COL25A1: variants seen among roughly 807,000 people sequenced by gnomAD.
COL25A1 encodes the protein collagen alpha-1(XXV) chain.
In COL25A1, 103 loss-of-function variants were observed where a neutral mutation model predicts 128.4. That is an observed-to-expected ratio of 0.80 (90% CI 0.68 to 0.94). The LOEUF is 0.94. Among genes scored for constraint, COL25A1 ranks in the 40% least tolerant of loss-of-function variants. The pLI is 0.00. For synonymous variants in COL25A1, 279 were observed against 277.2 expected, an observed-to-expected ratio of 1.01 and a Z score of -0.06; for missense variants, 745 against 840.0, an observed-to-expected ratio of 0.89 and a Z score of 1.40.
In COL25A1 at chr4:109,234,385, A is replaced by G. The variant is rs548021087; in HGVS notation, c.367+66198T>C. Among the ~76,000 whole-genome samples, 15 of 152,284 alleles carry G rather than the reference A, an allele frequency of 9.9e-5. 1 individual carries two copies. The South Asian group carries it at 3.1e-3, about 32-fold the overall frequency. On this transcript the variant is annotated intron_variant, in intron 3 of 37. Transcript: ENST00000399132. ...ATCTACTCTACTCCTAAATGTTTAA[A>G]GTAAGCCAACTATGGCAATTTCTTC...
At chr4:108,993,881 T>C (rs1288805493) in intron 6 of COL25A1, among the ~76,000 whole-genome samples, 1 of 134,472 alleles carries the variant, frequency 7.4e-6, no homozygotes, top group Admixed American at 7.4e-5. Flanking sequence ...AAACAAGAAA[T>C]TAGGTGTTGT....
chr4:108,966,719 T>A (rs1751341180), intron 8 of COL25A1, among the ~76,000 whole-genome samples: 1 of 151,562 alleles, frequency 6.6e-6, no homozygotes, highest in Non-Finnish European at 1.5e-5. Context: ...GGCATGGTAG[T>A]GTGTGCCTGT....
At chr4:108,968,345 T>C (rs149852795) in intron 8 of COL25A1, among the ~76,000 whole-genome samples, 1 of 152,218 alleles carries the variant, frequency 6.6e-6, no homozygotes, top group Non-Finnish European at 1.5e-5. Context: ...CTTCTTGCAA[T>C]CTGACTTCCA....
chr4:109,104,836 A>G (rs558489782), intron 3 of COL25A1, among the ~76,000 whole-genome samples: 2 of 152,326 alleles, frequency 1.3e-5, no homozygotes, highest in Non-Finnish European at 2.9e-5. Flanking sequence ...AATATTAAAA[A>G]CACAATCAGA....
intron 3 of COL25A1, among the ~76,000 whole-genome samples, chr4:109,075,736 T>C (rs575849218): frequency 2.6e-4 from 39 of 152,290 alleles, no homozygotes; most frequent in Non-Finnish European, 4.3e-4. Flanking sequence ...ACCCACCATA[T>C]AGTCCACACA....
At chr4:109,247,727 A>T (rs1480541783) in intron 3 of COL25A1, among the ~76,000 whole-genome samples, 1 of 152,214 alleles carries the variant, frequency 6.6e-6, no homozygotes, top group Non-Finnish European at 1.5e-5. Flanking sequence ...ACATGGGATA[A>T]CCACCAGGTA....
intron 3 of COL25A1, among the ~76,000 whole-genome samples, chr4:109,059,745 T>C (rs1001470423): frequency 6.6e-6 from 1 of 152,210 alleles, no homozygotes; most frequent in African/African-American, 2.4e-5. Context: ...CTGTTATATA[T>C]AAGTATTTGA....
At chr4:109,114,064 AATG>A (rs1018929532) in intron 3 of COL25A1, among the ~76,000 whole-genome samples, 1 of 152,090 alleles carries the variant, frequency 6.6e-6, no homozygotes, top group Non-Finnish European at 1.5e-5. Context: ...AAACAACCAC[AATG>A]ATAATAGTTC....
intron 24 of COL25A1, among the ~76,000 whole-genome samples, chr4:108,857,920 A>G (rs1736711284): frequency 6.6e-6 from 1 of 152,152 alleles, no homozygotes; most frequent in Admixed American, 6.6e-5. Context: ...TAAATAGTAA[A>G]CCACTAGAAC....
At chr4:108,921,968 C>A (rs1019420436) in intron 11 of COL25A1, among the ~76,000 whole-genome samples, 1 of 152,108 alleles carries the variant, frequency 6.6e-6, no homozygotes, top group Non-Finnish European at 1.5e-5. Flanking sequence ...TCTTGTCTCT[C>A]ATCAAACCAA....
At position 108,886,488 on chromosome 4, in the gene COL25A1, G is replaced by GTTTTTTTTTTTT. The variant is rs1413657808; in HGVS notation, c.976-2267_976-2266insAAAAAAAAAAAA. ...TGTGTGTGTGTGTGTGTGTGTGTGT[G>GTTTTTTTTTTTT]TGTGTTTAGCTCATCAGCTATTTTA... On this transcript the variant is annotated intron_variant, in intron 18 of 37. Transcript: ENST00000399132. Among the ~76,000 whole-genome samples the GTTTTTTTTTTTT allele has an allele frequency of 9.5e-4, 47 of 49,460 alleles. 1 individual carries two copies. The highest frequency in any genetic ancestry group is 3.0e-3 in the African/African-American group (46 of 15,476). The allele number at this position is 49,460 out of a possible 152,430, so 32.4% of individuals were successfully genotyped here. A position where few individuals can be genotyped will look rare whatever the true frequency, so the allele number is the denominator to read the frequency against.
intron 3 of COL25A1, among the ~76,000 whole-genome samples, chr4:109,231,337 A>G (rs1446354754): frequency 1.3e-5 from 2 of 152,248 alleles, no homozygotes; most frequent in South Asian, 2.1e-4. Flanking sequence ...TAATCTACAC[A>G]TTTTAGAATT....
intron 8 of COL25A1, among the ~76,000 whole-genome samples, chr4:108,953,391 T>C (rs1037365865): frequency 6.6e-6 from 1 of 152,222 alleles, no homozygotes; most frequent in African/African-American, 2.4e-5. Flanking sequence ...ATCCCTGAAC[T>C]CTGCATGTTT....
Position 109,257,258 on chromosome 4 carries a change from C to T in COL25A1, c.367+43325G>A, listed in dbSNP as rs112985920. The stretch of plus-strand genomic sequence containing the variant: ...AATCCAATGTGAAGATAAATTTTCA[C>T]CCTCAATCTGAAATGTAATTTCACA... On this transcript the variant is annotated intron_variant, in intron 3 of 37. Coordinates refer to ENST00000399132, the MANE Select transcript of COL25A1 (RefSeq NM_198721.4). Among the ~76,000 whole-genome samples, 640 of 152,236 alleles carry T rather than the reference C, an allele frequency of 4.2e-3. 3 individuals are homozygous for T. The highest frequency in any genetic ancestry group is 7.7e-3 in the Non-Finnish European group (523 of 67,986).
chr4:109,217,491 G>A (rs904011060), intron 3 of COL25A1, among the ~76,000 whole-genome samples: 9 of 147,536 alleles, frequency 6.1e-5, no homozygotes, highest in Admixed American at 2.0e-4. Context: ...AGAGAAATAC[G>A]ATTAATAACC....
chr4:109,131,628 C>T (rs1333184130), intron 3 of COL25A1, among the ~76,000 whole-genome samples: 2 of 152,150 alleles, frequency 1.3e-5, no homozygotes, highest in African/African-American at 4.8e-5. Flanking sequence ...CCAACCAGAG[C>T]AGTAAAATCT....
chr4:109,245,445 G>T (rs1560923312), intron 3 of COL25A1, among the ~76,000 whole-genome samples: 1 of 150,138 alleles, frequency 6.7e-6, no homozygotes, highest in African/African-American at 2.5e-5. Context: ...AAATAACAAA[G>T]GTATCCTATC....
chr4:109,265,210 T>C (rs899914945), intron 3 of COL25A1, among the ~76,000 whole-genome samples: 4 of 152,208 alleles, frequency 2.6e-5, no homozygotes, highest in African/African-American at 9.6e-5. Flanking sequence ...CCGTGAGCTA[T>C]ATCTGTTTTA....
chr4:109,192,236 G>T lies in COL25A1; in HGVS notation c.367+108347C>A, dbSNP rs374395644. The stretch of plus-strand genomic sequence containing the variant: ...ATATGTTAAGCTAAGAGTGATTAAG[G>T]TGTCACTAAGGAAAAAAGATCTCGG... On this transcript the variant is annotated intron_variant, in intron 3 of 37. Coordinates refer to ENST00000399132, the MANE Select transcript of COL25A1 (RefSeq NM_198721.4). Among the ~76,000 whole-genome samples the T allele has an allele frequency of 3.9e-5, 6 of 152,164 alleles. No individual in the cohort carries two copies. The South Asian group carries it at 8.3e-4, about 21-fold the overall frequency.
Sources: allele counts gnomAD v4.1 joint callset (sites outside exome capture counted in the v4.1 genomes callset), GRCh38; gene constraint gnomAD v4.1.1; transcripts MANE v1.5; gene names NCBI Gene and HGNC (gene_info 2026-07-23, HGNC 2026-07-21).